Variants in GRAMD1B observed in about 807,000 individuals in gnomAD.
GRAMD1B encodes protein Aster-B.
GRAMD1B carries 37 observed loss-of-function variants against 99.7 expected under a neutral mutation model. That is an observed-to-expected ratio of 0.37 (90% CI 0.29 to 0.49). The LOEUF is 0.49. GRAMD1B is among the 20% of genes least tolerant of loss of function. GRAMD1B has a pLI of 0.98. For missense variants in GRAMD1B, 888 were observed against 1,009.2 expected (o/e 0.88, Z 1.63); for synonymous variants, 427 against 387.6 (o/e 1.10, Z -1.19).
intron 1 of GRAMD1B, among the ~76,000 whole-genome samples, chr11:123,477,233 TC>T (rs1270601020): frequency 1.7e-5 from 1 of 59,920 alleles, no homozygotes; most frequent in Non-Finnish European, 2.9e-5. Flanking sequence ...CCTCTCCCCC[TC>T]CCATCCTCTC....
At chr11:123,578,534 A>T (rs1202845804) in intron 3 of GRAMD1B, 1 of 827,626 alleles carries the variant, frequency 1.2e-6, no homozygotes, top group Non-Finnish European at 2.0e-6. Context: ...TGGCCCTTAT[A>T]TCCTGCTTGG....
At chr11:123,450,704 C>G (rs1301391705) in intron 1 of GRAMD1B, among the ~76,000 whole-genome samples, 3 of 152,150 alleles carry the variant, frequency 2.0e-5, no homozygotes, top group Middle Eastern at 3.2e-3. Flanking sequence ...GACTCTCTTC[C>G]CACTGATAGT....
intron 1 of GRAMD1B, among the ~76,000 whole-genome samples, chr11:123,455,164 C>T (rs1950058059): frequency 6.6e-6 from 1 of 152,102 alleles, no homozygotes. Flanking sequence ...TTTTGCCCAA[C>T]ATATAGAGAT....
At chr11:123,557,977 CTT>C (rs532091098) in intron 2 of GRAMD1B, among the ~76,000 whole-genome samples, 5 of 99,920 alleles carry the variant, frequency 5.0e-5, no homozygotes, top group Non-Finnish European at 4.0e-5. Context: ...TTCAGTGCAA[CTT>C]TTTTTTTTTT....
chr11:123,599,856 T>G (rs1951736717), intron 7 of GRAMD1B, among the ~76,000 whole-genome samples: 1 of 152,210 alleles, frequency 6.6e-6, no homozygotes, highest in Non-Finnish European at 1.5e-5. Context: ...CCTTTATTAG[T>G]TGTCAGCTTT....
chr11:123,469,266 G>T (rs937859050), intron 1 of GRAMD1B, among the ~76,000 whole-genome samples: 2 of 152,156 alleles, frequency 1.3e-5, no homozygotes, highest in Non-Finnish European at 2.9e-5. Flanking sequence ...AGGATTTTAA[G>T]CCAGGAAGAG....
intron 2 of GRAMD1B, among the ~76,000 whole-genome samples, chr11:123,562,723 A>C (rs1946908647): frequency 6.6e-6 from 1 of 152,096 alleles, no homozygotes; most frequent in Non-Finnish European, 1.5e-5. Context: ...TTGGGGTAAA[A>C]TTGTTCATCC....
At chr11:123,546,270 G>A (rs1038450687) in intron 2 of GRAMD1B, among the ~76,000 whole-genome samples, 4 of 152,164 alleles carry the variant, frequency 2.6e-5, no homozygotes, top group African/African-American at 7.2e-5. Context: ...GTAGCCAGGA[G>A]TATGTGGGAG....
chr11:123,409,406 C>T (rs1288737920), intron 1 of GRAMD1B, among the ~76,000 whole-genome samples: 5 of 152,154 alleles, frequency 3.3e-5, no homozygotes, highest in Admixed American at 3.3e-4. Flanking sequence ...GGTAACTGTG[C>T]CGCAGTCATC....
In GRAMD1B at chr11:123,625,972, GAGAGAGAGAT is replaced by G. The variant is rs1955485944; in HGVS notation, c.*3378_*3387del. On this transcript the variant is annotated 3_prime_UTR_variant, in exon 20 of 20. Coordinates refer to ENST00000635736, the MANE Select transcript of GRAMD1B (RefSeq NM_001387025.1). Reference sequence around the variant, plus strand: ...AGAGAGAGAGAGAGAGAGAGAGAGAGAGAGAGAGATCGAGCTTGATGTATTGCTCAGTATT... The same window carrying G: ...AGAGAGAGAGAGAGAGAGAGAGAGAGCGAGCTTGATGTATTGCTCAGTATT... The G allele has an allele frequency of 9.5e-6, 1 of 105,224 alleles. No individual in the cohort carries two copies. The highest frequency in any genetic ancestry group is 2.4e-5 in the Non-Finnish European group (1 of 41,442). 6.5% of individuals were successfully genotyped at this position (105,224 alleles called of 1,614,324 possible).
chr11:123,434,321 C>T (rs1214575975), intron 1 of GRAMD1B, among the ~76,000 whole-genome samples: 1 of 151,284 alleles, frequency 6.6e-6, no homozygotes, highest in African/African-American at 2.4e-5. Context: ...AATTCAAATT[C>T]GTGTGACTCA....
intron 15 of GRAMD1B, 182 bp from the exon 16 acceptor site, chr11:123,613,273 C>A: frequency 1.7e-6 from 1 of 596,624 alleles, no homozygotes; most frequent in South Asian, 2.1e-5. Flanking sequence ...TTGAACAACC[C>A]CAGAGGAAGG....
At chr11:123,494,372 A>T (rs1239833706) in intron 2 of GRAMD1B, among the ~76,000 whole-genome samples, 2 of 150,744 alleles carry the variant, frequency 1.3e-5, no homozygotes, top group Admixed American at 1.3e-4. Context: ...CCACCTGCAC[A>T]TATGCTTAGG....
chr11:123,618,999 G>A (rs1031877662), intron 18 of GRAMD1B, 108 bp from the exon 19 acceptor site: 8 of 713,992 alleles, frequency 1.1e-5, no homozygotes, highest in Non-Finnish European at 1.9e-5. Flanking sequence ...AGTGAGCAGA[G>A]GACAAAGCAC....
At chr11:123,554,525 CAAAAA>C (rs750680684) in intron 2 of GRAMD1B, among the ~76,000 whole-genome samples, 127 of 86,538 alleles carry the variant, frequency 1.5e-3, no homozygotes, top group Middle Eastern at 8.2e-3. Flanking sequence ...CCCATCTTTA[CAAAAA>C]AAAAAAAAAA....
At chr11:123,608,579 A>G (rs556978275) in intron 11 of GRAMD1B, 80 bp from the exon 12 acceptor site, 1 of 1,551,270 alleles carries the variant, frequency 6.4e-7, no homozygotes, top group South Asian at 1.2e-5. Context: ...CCAGAGACCT[A>G]AGTGCTCTTG....
At chr11:123,622,481 T>C (rs1310486288) in intron 19 of GRAMD1B, 25 bp from the exon 20 acceptor site, 1 of 1,442,886 alleles carries the variant, frequency 6.9e-7, no homozygotes, top group Non-Finnish European at 9.5e-7. Flanking sequence ...GACCCAGGCC[T>C]GGGGTGGGGT....
chr11:123,620,568 G>C (rs1275948705), intron 19 of GRAMD1B, among the ~76,000 whole-genome samples: 3 of 151,906 alleles, frequency 2.0e-5, no homozygotes, highest in Non-Finnish European at 4.4e-5. Context: ...ACTTAAGGAG[G>C]GCATTTTTTA....
At chr11:123,382,550 G>A (rs574790724) in intron 1 of GRAMD1B, among the ~76,000 whole-genome samples, 10 of 152,224 alleles carry the variant, frequency 6.6e-5, no homozygotes, top group Admixed American at 6.5e-4. Context: ...AGACCTTGCA[G>A]TTGCTTGATT....
Sources: gnomAD v4.1 joint callset for allele counts (sites outside exome capture counted in the v4.1 genomes callset) on GRCh38, gnomAD v4.1.1 for gene constraint, MANE v1.5 for transcripts, NCBI Gene and HGNC (gene_info 2026-07-23, HGNC 2026-07-21) for gene names.